Variants in RALYL observed in about 807,000 individuals in gnomAD.
RALYL encodes RNA-binding Raly-like protein.
Under a neutral mutation model 35.1 loss-of-function variants are expected in RALYL, and 29 were observed. That is an observed-to-expected ratio of 0.83 (90% CI 0.61 to 1.13). The LOEUF is 1.13. Among genes scored for constraint, RALYL ranks in the 50% most tolerant of loss-of-function variants. The pLI is 0.00. For synonymous variants in RALYL, 120 were observed against 127.6 expected, an observed-to-expected ratio of 0.94 and a Z score of 0.40; for missense variants, 359 against 360.4, an observed-to-expected ratio of 1.00 and a Z score of 0.03.
chr8:84,411,132 T>G (rs889788047), intron 1 of RALYL, among the ~76,000 whole-genome samples: 5 of 152,056 alleles, frequency 3.3e-5, no homozygotes, highest in Admixed American at 6.5e-5. Context: ...TATATCTTTT[T>G]TTAAGAATGA....
chr8:84,277,348 G>A (rs900192272), intron 1 of RALYL, among the ~76,000 whole-genome samples: 1 of 152,056 alleles, frequency 6.6e-6, no homozygotes, highest in Non-Finnish European at 1.5e-5. Context: ...GGGGGAAACT[G>A]CCCCCATGAT....
chr8:84,238,484 A>T (rs1239227531), intron 1 of RALYL, among the ~76,000 whole-genome samples: 1 of 152,122 alleles, frequency 6.6e-6, no homozygotes, highest in Non-Finnish European at 1.5e-5. Context: ...TTAAATTAAC[A>T]TTTGCTGCCT....
intron 1 of RALYL, among the ~76,000 whole-genome samples, chr8:84,225,115 G>T (rs1454481802): frequency 6.6e-6 from 1 of 152,192 alleles, no homozygotes; most frequent in Non-Finnish European, 1.5e-5. Flanking sequence ...TAGATAGTTA[G>T]AAGTTATCCT....
intron 2 of RALYL, among the ~76,000 whole-genome samples, chr8:84,675,972 G>A (rs890249007): frequency 1.3e-5 from 2 of 152,114 alleles, no homozygotes; most frequent in African/African-American, 2.4e-5. Flanking sequence ...GAACTGCAAG[G>A]CAATTGATGT....
chr8:84,725,429 C>G (rs1390548119), intron 2 of RALYL, among the ~76,000 whole-genome samples: 1 of 151,646 alleles, frequency 6.6e-6, no homozygotes, highest in Non-Finnish European at 1.5e-5. Context: ...ATGTATTAAA[C>G]AGTAACTTTG....
intron 1 of RALYL, among the ~76,000 whole-genome samples, chr8:84,219,604 TGTGTGA>T (rs1459763089): frequency 6.6e-6 from 1 of 152,062 alleles, no homozygotes; most frequent in Non-Finnish European, 1.5e-5. Flanking sequence ...TCTGTGTGTG[TGTGTGA>T]GTGTGTCTTT....
intron 1 of RALYL, among the ~76,000 whole-genome samples, chr8:84,503,069 A>G (rs1014094787): frequency 6.6e-6 from 1 of 152,132 alleles, no homozygotes; most frequent in African/African-American, 2.4e-5. Context: ...AAATATACTG[A>G]TAAGTATTAA....
intron 1 of RALYL, among the ~76,000 whole-genome samples, chr8:84,512,808 G>C (rs2057733492): frequency 6.6e-6 from 1 of 152,080 alleles, no homozygotes; most frequent in Non-Finnish European, 1.5e-5. Flanking sequence ...TGTATGTTCT[G>C]GCACCTTTGT....
chr8:84,641,222 ATAAG>A (rs1036960656), intron 2 of RALYL, among the ~76,000 whole-genome samples: 2 of 151,524 alleles, frequency 1.3e-5, no homozygotes, highest in African/African-American at 2.4e-5. Flanking sequence ...CCTTTTTTAA[ATAAG>A]TAACTTTAAA....
chr8:84,727,634 CACA>C (rs1177795607), intron 2 of RALYL, among the ~76,000 whole-genome samples: 2 of 131,146 alleles, frequency 1.5e-5, no homozygotes, highest in East Asian at 5.2e-4. Flanking sequence ...CCCCCCACCC[CACA>C]ACAGTCCCCA....
chr8:84,231,149 T>G (rs1825250837), intron 1 of RALYL, among the ~76,000 whole-genome samples: 1 of 152,192 alleles, frequency 6.6e-6, no homozygotes. Context: ...AGTCGTATCC[T>G]TTCTACTTAC....
chr8:84,856,145 C>A (rs1213173168), intron 5 of RALYL, among the ~76,000 whole-genome samples: 1 of 152,144 alleles, frequency 6.6e-6, no homozygotes, highest in African/African-American at 2.4e-5. Context: ...GTACACTTGA[C>A]AAATGGTATT....
At chr8:84,856,382 CA>C (rs1836984785) in intron 5 of RALYL, among the ~76,000 whole-genome samples, 1 of 152,130 alleles carries the variant, frequency 6.6e-6, no homozygotes, top group African/African-American at 2.4e-5. Context: ...AAGCTGTATA[CA>C]AAATGTACAG....
At chr8:84,836,140 C>A (rs1282173622) in intron 4 of RALYL, among the ~76,000 whole-genome samples, 1 of 152,106 alleles carries the variant, frequency 6.6e-6, no homozygotes, top group Non-Finnish European at 1.5e-5. Context: ...AAATCAGAAA[C>A]CCTGTGTTAC....
intron 2 of RALYL, among the ~76,000 whole-genome samples, chr8:84,744,811 C>T (rs1471878450): frequency 6.6e-6 from 1 of 151,862 alleles, no homozygotes; most frequent in Non-Finnish European, 1.5e-5. Context: ...CGATACAGAA[C>T]TTCTCATCTC....
At chr8:84,321,926 G>A (rs991017740) in intron 1 of RALYL, among the ~76,000 whole-genome samples, 1 of 151,918 alleles carries the variant, frequency 6.6e-6, no homozygotes, top group Non-Finnish European at 1.5e-5. Flanking sequence ...ATCAGAAATA[G>A]GAGAGACACT....
At chr8:84,214,538 C>T (rs9298422) in intron 1 of RALYL, among the ~76,000 whole-genome samples, 41,102 of 151,828 alleles carry the variant, frequency 0.27, 5,841 homozygotes, top group African/African-American at 0.35. Context: ...TTATTTTGCC[C>T]TTTTAGTTAT....
intron 1 of RALYL, among the ~76,000 whole-genome samples, chr8:84,306,172 A>G (rs1185763149): frequency 2.0e-5 from 3 of 151,998 alleles, no homozygotes; most frequent in African/African-American, 7.2e-5. Flanking sequence ...TAAAAAAAAA[A>G]AAAACGAAAA....
intron 1 of RALYL, among the ~76,000 whole-genome samples, chr8:84,237,574 A>G (rs181242862): frequency 7.2e-4 from 110 of 152,318 alleles, no homozygotes; most frequent in African/African-American, 2.6e-3. Flanking sequence ...TTCTATTGAC[A>G]ACAACAACAA....
Sources: gnomAD v4.1 joint callset for allele counts (sites outside exome capture counted in the v4.1 genomes callset) on GRCh38, gnomAD v4.1.1 for gene constraint, MANE v1.5 for transcripts, NCBI Gene and HGNC (gene_info 2026-07-23, HGNC 2026-07-21) for gene names.